The following NRXN1 variants were observed in gnomAD, a reference collection of about 807,000 sequenced individuals.
The protein encoded by NRXN1 is neurexin 1.
A neutral mutation model predicts 150.9 loss-of-function variants in NRXN1; 39 were observed. That is an observed-to-expected ratio of 0.26 (90% CI 0.20 to 0.34). The LOEUF is 0.34. NRXN1 is among the 10% of genes least tolerant of loss of function. The pLI is 1.00. For missense variants in NRXN1, 1,815 were observed against 1,949.9 expected (o/e 0.93, Z 1.30); for synonymous variants, 924 against 757.0 (o/e 1.22, Z -3.62).
At chr2:50,396,586 ACTT>A (rs1187714768) in intron 17 of NRXN1, among the ~76,000 whole-genome samples, 3 of 152,086 alleles carry the variant, frequency 2.0e-5, no homozygotes, top group Admixed American at 2.0e-4. Flanking sequence ...AAAAACGAGA[ACTT>A]CTTTTTGGTG....
At chr2:50,858,251 T>G (rs1675560409) in intron 5 of NRXN1, among the ~76,000 whole-genome samples, 1 of 152,056 alleles carries the variant, frequency 6.6e-6, no homozygotes, top group African/African-American at 2.4e-5. Flanking sequence ...TTTTCAAAAC[T>G]CTGTGTCTTC....
At chr2:50,635,518 T>G (rs1683108113) in intron 5 of NRXN1, among the ~76,000 whole-genome samples, 1 of 152,060 alleles carries the variant, frequency 6.6e-6, no homozygotes, top group Non-Finnish European at 1.5e-5. Flanking sequence ...CCAGTCCTCT[T>G]CTTCCCTCCT....
intron 5 of NRXN1, among the ~76,000 whole-genome samples, chr2:50,747,770 C>A (rs1700175602): frequency 6.6e-6 from 1 of 152,026 alleles, no homozygotes. Flanking sequence ...TTATTTTACA[C>A]ATATTACTTC....
intron 5 of NRXN1, among the ~76,000 whole-genome samples, chr2:50,851,415 T>C (rs988180330): frequency 1.8e-4 from 27 of 152,172 alleles, no homozygotes; most frequent in Admixed American, 1.8e-3. Flanking sequence ...ATAATTTCTA[T>C]TGCTTTACTA....
intron 19 of NRXN1, among the ~76,000 whole-genome samples, chr2:50,069,124 C>T (rs1404362639): frequency 6.6e-6 from 1 of 152,104 alleles, no homozygotes; most frequent in African/African-American, 2.4e-5. Flanking sequence ...AAAGCTGTTC[C>T]CAGAATAAGA....
chr2:50,266,007 T>A (rs1250218809), intron 17 of NRXN1, among the ~76,000 whole-genome samples: 20 of 109,758 alleles, frequency 1.8e-4, no homozygotes, highest in African/African-American at 5.7e-4. Flanking sequence ...TATTTATTTT[T>A]TTTTTTTTTG....
At chr2:50,358,525 C>A (rs1444424485) in intron 17 of NRXN1, among the ~76,000 whole-genome samples, 1 of 152,236 alleles carries the variant, frequency 6.6e-6, no homozygotes, top group Non-Finnish European at 1.5e-5. Context: ...CAGACTGCCT[C>A]TCTAGATTCC....
chr2:49,929,855 G>A (rs1297766845), intron 22 of NRXN1, among the ~76,000 whole-genome samples: 1 of 152,062 alleles, frequency 6.6e-6, no homozygotes, highest in Non-Finnish European at 1.5e-5. Flanking sequence ...ATGTCCTCAT[G>A]GACCTTAAAA....
chr2:50,390,738 C>T (rs1441696632), intron 17 of NRXN1, among the ~76,000 whole-genome samples: 2 of 151,986 alleles, frequency 1.3e-5, no homozygotes, highest in African/African-American at 4.8e-5. Context: ...CTTGTGCTCC[C>T]TTGACCCCCA....
At chr2:50,479,500 C>A (rs937980877) in intron 15 of NRXN1, among the ~76,000 whole-genome samples, 7 of 152,058 alleles carry the variant, frequency 4.6e-5, no homozygotes, top group East Asian at 1.9e-4. Context: ...CCTTATGTAA[C>A]CATTAGTTTA....
intron 17 of NRXN1, among the ~76,000 whole-genome samples, chr2:50,251,404 T>A (rs10205274): frequency 6.6e-6 from 1 of 151,850 alleles, no homozygotes; most frequent in Non-Finnish European, 1.5e-5. Flanking sequence ...GTGTAATGTA[T>A]CACATTTTCT....
At chr2:50,411,242 G>A (rs1002836320) in intron 17 of NRXN1, among the ~76,000 whole-genome samples, 16 of 152,184 alleles carry the variant, frequency 1.1e-4, no homozygotes, top group Admixed American at 3.9e-4. Flanking sequence ...TGGCCGGGCT[G>A]GTCTCCAGCT....
At chr2:50,498,366 T>C (rs2091762605) in intron 13 of NRXN1, among the ~76,000 whole-genome samples, 1 of 152,204 alleles carries the variant, frequency 6.6e-6, no homozygotes, top group African/African-American at 2.4e-5. Flanking sequence ...ATCCTGTTGA[T>C]TTCTTCACCT....
At chr2:50,282,495 A>G (rs2071589424) in intron 17 of NRXN1, among the ~76,000 whole-genome samples, 1 of 152,106 alleles carries the variant, frequency 6.6e-6, no homozygotes, top group South Asian at 2.1e-4. Context: ...TGGAGGGAAC[A>G]CTTCTCGTAT....
intron 21 of NRXN1, among the ~76,000 whole-genome samples, chr2:49,998,360 T>C (rs1573315533): frequency 2.0e-5 from 3 of 152,208 alleles, no homozygotes; most frequent in Non-Finnish European, 2.9e-5. Flanking sequence ...CCCATGTATA[T>C]ACACATGTAC....
At chr2:50,808,302 T>A (rs1317997778) in intron 5 of NRXN1, among the ~76,000 whole-genome samples, 1 of 152,136 alleles carries the variant, frequency 6.6e-6, no homozygotes, top group African/African-American at 2.4e-5. Flanking sequence ...TATCATATTC[T>A]TAACTTTCAT....
At chr2:50,004,728 A>C (rs1362092727) in intron 21 of NRXN1, among the ~76,000 whole-genome samples, 1 of 152,172 alleles carries the variant, frequency 6.6e-6, no homozygotes, top group Non-Finnish European at 1.5e-5. Flanking sequence ...TTAAGTTGAC[A>C]CTGTGAGCTG....
At chr2:50,753,746 T>C (rs1322009100) in intron 5 of NRXN1, among the ~76,000 whole-genome samples, 3 of 151,772 alleles carry the variant, frequency 2.0e-5, no homozygotes, top group African/African-American at 7.3e-5. Context: ...AGTGATTAGA[T>C]AGGGGAATAA....
At chr2:50,007,952 A>C (rs1031282748) in intron 21 of NRXN1, among the ~76,000 whole-genome samples, 7 of 152,138 alleles carry the variant, frequency 4.6e-5, no homozygotes, top group African/African-American at 1.7e-4. Flanking sequence ...TGTCTACCTA[A>C]TGTGAAAGTT....
Sources: gnomAD v4.1 joint callset for allele counts (sites outside exome capture counted in the v4.1 genomes callset) on GRCh38, gnomAD v4.1.1 for gene constraint, MANE v1.5 for transcripts, NCBI Gene and HGNC (gene_info 2026-07-23, HGNC 2026-07-21) for gene names.